Variants in CSMD1 observed in about 807,000 individuals in gnomAD.
The protein encoded by CSMD1 is CUB and sushi domain-containing protein 1.
In CSMD1, 213 loss-of-function variants were observed where a neutral mutation model predicts 417.5. That is an observed-to-expected ratio of 0.51 (90% confidence interval 0.46 to 0.57). The LOEUF (loss-of-function observed/expected upper bound fraction) is 0.57. Ranked by LOEUF, CSMD1 falls within the 20% of genes least tolerant of loss-of-function variation. The pLI is 0.00. For synonymous variants in CSMD1, 2,862 were observed against 1,736.8 expected (o/e 1.65, Z -16.11); for missense variants, 6,923 against 4,529.7 (o/e 1.53, Z -15.17).
chr8:4,001,590 G>C (rs553362144), intron 4 of CSMD1, among the ~76,000 whole-genome samples: 14 of 152,174 alleles, frequency 9.2e-5, no homozygotes, highest in Non-Finnish European at 1.9e-4. Flanking sequence ...TGGCTGAGCT[G>C]GATAAACTGC....
At chr8:3,812,148 G>A (rs1801125783) in intron 5 of CSMD1, among the ~76,000 whole-genome samples, 2 of 152,092 alleles carry the variant, frequency 1.3e-5, no homozygotes, top group South Asian at 2.1e-4. Context: ...ATATTCACAT[G>A]ACAATTCTGT....
At chr8:3,333,707 G>A (rs932646144) in intron 23 of CSMD1, among the ~76,000 whole-genome samples, 38 of 152,214 alleles carry the variant, frequency 2.5e-4, no homozygotes, top group African/African-American at 9.2e-4. Flanking sequence ...ACTTTCCCCT[G>A]GTTCTTAGCA....
chr8:3,987,940 G>T (rs1322154699), intron 5 of CSMD1, among the ~76,000 whole-genome samples: 1 of 152,082 alleles, frequency 6.6e-6, no homozygotes, highest in Non-Finnish European at 1.5e-5. Context: ...CACATCAAAG[G>T]ACTGAGAAAT....
chr8:3,581,626 T>G (rs1193857388), intron 9 of CSMD1, among the ~76,000 whole-genome samples: 2 of 152,182 alleles, frequency 1.3e-5, no homozygotes, highest in African/African-American at 4.8e-5. Flanking sequence ...CCTTCCTGGA[T>G]GCACCTCGCT....
At chr8:3,481,515 G>A (rs1247753105) in intron 11 of CSMD1, among the ~76,000 whole-genome samples, 1 of 152,142 alleles carries the variant, frequency 6.6e-6, no homozygotes. Flanking sequence ...CCTCACTCCT[G>A]TCCAATCCTG....
chr8:4,533,789 T>G (rs1485156116), intron 2 of CSMD1, among the ~76,000 whole-genome samples: 29 of 151,674 alleles, frequency 1.9e-4, no homozygotes, highest in Non-Finnish European at 1.5e-5. Context: ...ACACTGTAAT[T>G]TTTCTGTGCT....
chr8:4,730,704 G>A (rs1233674713), intron 1 of CSMD1, among the ~76,000 whole-genome samples: 1 of 151,820 alleles, frequency 6.6e-6, no homozygotes, highest in Non-Finnish European at 1.5e-5. Context: ...TCGTGCCACT[G>A]CACTCCAGCC....
chr8:3,298,813 G>T (rs999408605), intron 25 of CSMD1, among the ~76,000 whole-genome samples: 1 of 152,140 alleles, frequency 6.6e-6, no homozygotes, highest in African/African-American at 2.4e-5. Context: ...AATAGTGATT[G>T]TCCTGGAGAA....
At chr8:3,506,236 C>T (rs1406892357) in intron 10 of CSMD1, among the ~76,000 whole-genome samples, 1 of 152,148 alleles carries the variant, frequency 6.6e-6, no homozygotes, top group Non-Finnish European at 1.5e-5. Flanking sequence ...GGAGAGGGTG[C>T]AGGTGAGCCA....
At chr8:3,344,083 A>G (rs983498899) in intron 22 of CSMD1, among the ~76,000 whole-genome samples, 1 of 152,160 alleles carries the variant, frequency 6.6e-6, no homozygotes, top group East Asian at 1.9e-4. Flanking sequence ...TTGTAAAACG[A>G]GAGTAGATGT....
Position 3,660,286 on chromosome 8 carries a change from C to G in CSMD1, c.1010-43489G>C, listed in dbSNP as rs570825430. 1.8e-4 allele frequency among the ~76,000 whole-genome samples: 28 copies of G among 152,114 alleles called. 1 individual carries two copies. In the South Asian group the frequency reaches 2.9e-3, roughly 16 times the overall value. On this transcript the variant is annotated intron_variant, in intron 7 of 69. Transcript: ENST00000635120. Reference sequence around the variant, plus strand: ...TTCTTTGCCTATGTTTTTCCATGACCTTATCTGTGAAGCGGGATGGTAACT... The same window carrying G: ...TTCTTTGCCTATGTTTTTCCATGACGTTATCTGTGAAGCGGGATGGTAACT...
At position 3,862,492 on chromosome 8, in the gene CSMD1, C is replaced by T. The variant is rs556790362; in HGVS notation, c.819-108450G>A. Among the ~76,000 whole-genome samples, 74 of 152,290 alleles carry T rather than the reference C, an allele frequency of 4.9e-4. 2 individuals carry two copies. The South Asian group carries it at 0.012, about 24-fold the overall frequency. On this transcript the variant is annotated intron_variant, in intron 5 of 69. Transcript: ENST00000635120. Reference sequence around the variant, plus strand: ...GAGCCTTTCGCCAGAACTCAAAGTTCGCCTTTCCCAGACCTTACAACTGTT... The same window carrying T: ...GAGCCTTTCGCCAGAACTCAAAGTTTGCCTTTCCCAGACCTTACAACTGTT...
chr8:3,889,879 GA>G (rs1404779588), intron 5 of CSMD1, among the ~76,000 whole-genome samples: 1 of 152,054 alleles, frequency 6.6e-6, no homozygotes, highest in Non-Finnish European at 1.5e-5. Context: ...CAAAGGCACT[GA>G]AATATCAAAA....
chr8:4,025,024 G>A (rs1796990249), intron 4 of CSMD1, among the ~76,000 whole-genome samples: 1 of 152,174 alleles, frequency 6.6e-6, no homozygotes, highest in African/African-American at 2.4e-5. Flanking sequence ...TGATTACATA[G>A]GTAGAATTAG....
intron 8 of CSMD1, among the ~76,000 whole-genome samples, chr8:3,604,287 G>A (rs977868839): frequency 8.5e-5 from 13 of 152,148 alleles, no homozygotes; most frequent in African/African-American, 3.1e-4. Flanking sequence ...AAGGCCAGAG[G>A]GAGGGAGGCT....
intron 3 of CSMD1, among the ~76,000 whole-genome samples, chr8:4,216,986 A>G (rs1469557765): frequency 6.6e-6 from 1 of 152,188 alleles, no homozygotes; most frequent in Non-Finnish European, 1.5e-5. Flanking sequence ...CCCACGGTTA[A>G]GACTTCTCTA....
chr8:4,026,734 A>G (rs1482171221), intron 4 of CSMD1, among the ~76,000 whole-genome samples: 1 of 152,238 alleles, frequency 6.6e-6, no homozygotes, highest in Non-Finnish European at 1.5e-5. Flanking sequence ...TTTTCCTTAA[A>G]GAAACTGTAA....
In CSMD1 at chr8:4,787,763, G is replaced by A. The variant is rs1216364589; in HGVS notation, c.86-150205C>T. 6 of 1,582,744 alleles carry A rather than the reference G, an allele frequency of 3.8e-6. No homozygotes were observed. The South Asian group carries it at 6.7e-5, about 18-fold the overall frequency. On this transcript the variant is annotated intron_variant, in intron 1 of 69. Coordinates refer to ENST00000635120, the MANE Select transcript of CSMD1 (RefSeq NM_033225.6). ...GAACAGCTGATTGCTGCAAAATTTT[G>A]CTTCGCTGGACTTGTTACAGGCCAG... is the stretch of plus-strand genomic sequence containing the variant.
chr8:4,259,894 C>T (rs1187118058), intron 3 of CSMD1, among the ~76,000 whole-genome samples: 4 of 152,038 alleles, frequency 2.6e-5, no homozygotes, highest in Non-Finnish European at 5.9e-5. Context: ...TTTTTGCTAC[C>T]GCATAGTCTC....
Sources: allele counts gnomAD v4.1 joint callset (sites outside exome capture counted in the v4.1 genomes callset), GRCh38; gene constraint gnomAD v4.1.1; transcripts MANE v1.5; gene names NCBI Gene and HGNC (gene_info 2026-07-23, HGNC 2026-07-21).